SGCD: variants seen among roughly 807,000 people sequenced by gnomAD.
SGCD encodes sarcoglycan delta.
SGCD carries 18 observed loss-of-function variants against 36.6 expected under a neutral mutation model. The observed-to-expected ratio is 0.49, with a 90% CI of 0.34 to 0.73. SGCD has a LOEUF of 0.73. Among genes scored for constraint, SGCD ranks in the 30% least tolerant of loss-of-function variants. The pLI is 0.01. For missense variants in SGCD, 387 were observed against 346.7 expected, an observed-to-expected ratio of 1.12 and a Z score of -0.92; for synonymous variants, 133 against 130.6, an observed-to-expected ratio of 1.02 and a Z score of -0.12.
chr5:155,883,124 C>T (rs1287729076), intron 1 of SGCD, among the ~76,000 whole-genome samples: 1 of 152,196 alleles, frequency 6.6e-6, no homozygotes, highest in East Asian at 1.9e-4. Context: ...CCTCTCTCAG[C>T]TCGCAAAGAA....
chr5:156,217,912 T>C (rs954694306), intron 3 of SGCD, among the ~76,000 whole-genome samples: 3 of 152,148 alleles, frequency 2.0e-5, no homozygotes, highest in Non-Finnish European at 4.4e-5. Flanking sequence ...GGCCAGAATC[T>C]TGTAATTATT....
intron 1 of SGCD, among the ~76,000 whole-genome samples, chr5:155,881,360 T>G (rs1193324670): frequency 6.9e-6 from 1 of 145,284 alleles, no homozygotes; most frequent in African/African-American, 2.5e-5. Context: ...TATGAATGTT[T>G]TGGTTTCCCA....
intron 3 of SGCD, among the ~76,000 whole-genome samples, chr5:156,181,857 AG>A (rs1481314382): frequency 6.6e-6 from 1 of 152,202 alleles, no homozygotes; most frequent in Non-Finnish European, 1.5e-5. Flanking sequence ...CTAAGTACTA[AG>A]AGTTTAGCTA....
At chr5:156,355,368 A>G (rs1769444092) in intron 3 of SGCD, among the ~76,000 whole-genome samples, 1 of 151,430 alleles carries the variant, frequency 6.6e-6, no homozygotes, top group African/African-American at 2.5e-5. Context: ...TCTGATTAAC[A>G]GCCAAGATAA....
At chr5:156,613,122 T>A (rs1011420776) in intron 6 of SGCD, among the ~76,000 whole-genome samples, 2 of 152,242 alleles carry the variant, frequency 1.3e-5, no homozygotes, top group African/African-American at 4.8e-5. Context: ...ACAGGGATCT[T>A]GCCACTGCCC....
At chr5:156,408,764 G>A (rs1291976454) in intron 3 of SGCD, among the ~76,000 whole-genome samples, 5 of 151,948 alleles carry the variant, frequency 3.3e-5, no homozygotes, top group African/African-American at 7.3e-5. Context: ...TCCCATTCCC[G>A]AGGATATTTT....
chr5:155,809,131 T>C, the SGCD span, among the ~76,000 whole-genome samples: 2 of 152,206 alleles, frequency 1.3e-5, no homozygotes, highest in Non-Finnish European at 2.9e-5. Flanking sequence ...TTCTGAACTG[T>C]TCCTGAAAGC....
At chr5:155,826,136 A>G in the SGCD span, among the ~76,000 whole-genome samples, 1 of 152,200 alleles carries the variant, frequency 6.6e-6, no homozygotes. Flanking sequence ...TAGTAAGTTA[A>G]GCAAGTCTAG....
intron 3 of SGCD, among the ~76,000 whole-genome samples, chr5:156,182,688 T>C (rs1008867972): frequency 1.3e-5 from 2 of 152,244 alleles, no homozygotes; most frequent in African/African-American, 2.4e-5. Flanking sequence ...TATTAAGTTA[T>C]GGTCTCAATT....
At chr5:156,680,625 G>A (rs1753683112) in intron 7 of SGCD, among the ~76,000 whole-genome samples, 1 of 152,198 alleles carries the variant, frequency 6.6e-6, no homozygotes. Context: ...AGACGAACAA[G>A]CTATGGTCCC....
At chr5:156,329,219 A>G (rs1767955022) in intron 1 of SGCD, among the ~76,000 whole-genome samples, 1 of 152,176 alleles carries the variant, frequency 6.6e-6, no homozygotes, top group Non-Finnish European at 1.5e-5. Context: ...AGGAATGGCC[A>G]CAACACAAAC....
At chr5:156,673,411 T>A (rs1753383479) in intron 7 of SGCD, among the ~76,000 whole-genome samples, 2 of 152,222 alleles carry the variant, frequency 1.3e-5, no homozygotes, top group Admixed American at 6.5e-5. Context: ...GCCCCTGGCC[T>A]ACGGTTCCTA....
intron 1 of SGCD, among the ~76,000 whole-genome samples, chr5:155,995,729 G>A (rs1013055744): frequency 1.6e-4 from 25 of 152,084 alleles, no homozygotes; most frequent in African/African-American, 6.0e-4. Flanking sequence ...TCCTATAAAT[G>A]TATTGAGTGA....
At chr5:156,363,006 T>C (rs1291821310) in intron 3 of SGCD, among the ~76,000 whole-genome samples, 1 of 152,154 alleles carries the variant, frequency 6.6e-6, no homozygotes, top group Non-Finnish European at 1.5e-5. Context: ...TGTTTATTTC[T>C]CCAGATGGTT....
chr5:156,646,417 C>T (rs1033632251), intron 6 of SGCD, among the ~76,000 whole-genome samples: 1 of 152,158 alleles, frequency 6.6e-6, no homozygotes, highest in African/African-American at 2.4e-5. Context: ...TAGAAGCCTT[C>T]GGAACCTAAA....
chr5:156,236,837 AT>A (rs571943122), intron 3 of SGCD, among the ~76,000 whole-genome samples: 4,828 of 139,382 alleles, frequency 0.035, 116 homozygotes, highest in African/African-American at 0.075. Flanking sequence ...GCTGAGCCAG[AT>A]TTTTTTTTTT....
chr5:155,937,453 C>G (rs2113403019), intron 1 of SGCD, among the ~76,000 whole-genome samples: 1 of 152,274 alleles, frequency 6.6e-6, no homozygotes, highest in Admixed American at 6.5e-5. Context: ...GAATGTTAAA[C>G]TTATTTACAC....
At chr5:155,999,327 T>A (rs1468167001) in intron 1 of SGCD, among the ~76,000 whole-genome samples, 1 of 152,194 alleles carries the variant, frequency 6.6e-6, no homozygotes, top group Non-Finnish European at 1.5e-5. Flanking sequence ...AAACAAGAAA[T>A]GCCACACGGA....
intron 3 of SGCD, among the ~76,000 whole-genome samples, chr5:156,246,635 T>A (rs1765447070): frequency 6.6e-6 from 1 of 152,212 alleles, no homozygotes; most frequent in African/African-American, 2.4e-5. Context: ...GAGAAATTTT[T>A]TAAAACCATG....
Sources: allele counts gnomAD v4.1 joint callset (sites outside exome capture counted in the v4.1 genomes callset), GRCh38; gene constraint gnomAD v4.1.1; transcripts MANE v1.5; gene names NCBI Gene and HGNC (gene_info 2026-07-23, HGNC 2026-07-21).